The following SLC36A3 variants were observed in gnomAD, a reference collection of about 807,000 sequenced individuals.
The protein encoded by SLC36A3 is proton-coupled amino acid transporter 3.
In SLC36A3, 35 loss-of-function variants were observed where a neutral mutation model predicts 44.3. That is an observed-to-expected ratio of 0.79 (90% CI 0.60 to 1.05). The LOEUF (loss-of-function observed/expected upper bound fraction) is 1.05, where lower values mean the gene tolerates loss of function less well. Among genes scored for constraint, SLC36A3 ranks in the 50% least tolerant of loss-of-function variants. SLC36A3 has a pLI of 0.00. For synonymous variants in SLC36A3, 211 were observed against 227.6 expected, an observed-to-expected ratio of 0.93 and a Z score of 0.66; for missense variants, 540 against 578.7, an observed-to-expected ratio of 0.93 and a Z score of 0.69.
rs760097523 is a variant in SLC36A3, at chr5:151,296,160, G to A, written c.308+20C>T. 13 of 1,613,480 alleles carry A rather than the reference G, an allele frequency of 8.1e-6. No individual in the cohort carries two copies. The East Asian group carries it at 2.5e-4, about 30-fold the overall frequency. Reference sequence around the variant, plus strand: ...CAGAGGGGCCCCAGTGCTGGAATGAGAGAGAAGCAGGCCTCTGACCTCTGG... The same window carrying A: ...CAGAGGGGCCCCAGTGCTGGAATGAAAGAGAAGCAGGCCTCTGACCTCTGG... On this transcript the variant is annotated intron_variant, in intron 3 of 9. Coordinates refer to ENST00000335230, the MANE Select transcript of SLC36A3 (RefSeq NM_181774.4).
At chr5:151,293,856 C>T (rs1251271165) in intron 3 of SLC36A3, among the ~76,000 whole-genome samples, 2 of 151,846 alleles carry the variant, frequency 1.3e-5, no homozygotes, top group African/African-American at 2.4e-5. Flanking sequence ...AGATCCTGGC[C>T]TGGGCCAGAC....
Position 151,298,581 on chromosome 5 carries a change from G to A in SLC36A3, c.219+12C>T, listed in dbSNP as rs1195741330. On this transcript the variant is annotated intron_variant, in intron 2 of 9. Transcript: ENST00000335230. The stretch of plus-strand genomic sequence containing the variant: ...GAGCAAACCTAGTTCCCATCCCACA[G>A]ATGCCTCTTACCAACAAGCCGGCAT... The A allele has an allele frequency of 1.9e-6, 3 of 1,613,706 alleles. No homozygotes were observed. Among genetic ancestry groups the A allele is most frequent in the African/African-American group, 1.3e-5 (1 of 74,916 alleles).
intron 3 of SLC36A3, among the ~76,000 whole-genome samples, chr5:151,294,269 A>G (rs10059422): frequency 0.17 from 25,503 of 152,178 alleles, 2,876 homozygotes; most frequent in African/African-American, 0.32. Flanking sequence ...CTGGAACATG[A>G]CATTTTTGTT....
At chr5:151,294,244 G>A (rs1436829680) in intron 3 of SLC36A3, among the ~76,000 whole-genome samples, 2 of 152,164 alleles carry the variant, frequency 1.3e-5, no homozygotes, top group Non-Finnish European at 2.9e-5. Flanking sequence ...AGTGAGAGAC[G>A]GATATAGAGA....
intron 4 of SLC36A3, among the ~76,000 whole-genome samples, chr5:151,290,447 C>T (rs1561634941): frequency 6.6e-6 from 1 of 152,136 alleles, no homozygotes. Context: ...GAGAATTTAA[C>T]GAGAATAATT....
chr5:151,291,800 C>T (rs188232820), intron 4 of SLC36A3, among the ~76,000 whole-genome samples: 233 of 152,254 alleles, frequency 1.5e-3, no homozygotes, highest in African/African-American at 5.4e-3. Flanking sequence ...AGTGACCATT[C>T]CTCTAACAGC....
At chr5:151,282,817 C>T (rs537604138) in intron 8 of SLC36A3, among the ~76,000 whole-genome samples, 5 of 152,140 alleles carry the variant, frequency 3.3e-5, no homozygotes, top group East Asian at 1.9e-4. Flanking sequence ...AACAGTGTGT[C>T]GATGCATGCA....
At position 151,293,438 on chromosome 5, in the gene SLC36A3, G is replaced by C; in HGVS notation, c.330C>G (p.Asn110Lys). 6.2e-7 allele frequency: 1 copy of C among 1,613,322 alleles called. No homozygotes were observed. Among genetic ancestry groups the C allele is most frequent in the Non-Finnish European group, 8.5e-7 (1 of 1,179,578 alleles). ...LSQRLQKTFVNYGEATMYGLE... is the reference protein window; with the variant it reads ...LSQRLQKTFVKYGEATMYGLE... Reference sequence around the variant, plus strand: ...GGCCGTACATCGTGGCCTCTCCATAGTTCACAAAAGTCTTCTGCAGTCTAG... The same window carrying C: ...GGCCGTACATCGTGGCCTCTCCATACTTCACAAAAGTCTTCTGCAGTCTAG... The change falls in exon 4 of 10, where the codon AAC becomes AAG. Residue 110 changes from asparagine (N) to lysine (K), a missense_variant. Physicochemically the swap from Asn to Lys is moderately conservative, Grantham distance 94. Coordinates refer to ENST00000335230, the MANE Select transcript of SLC36A3 (RefSeq NM_181774.4).
chr5:151,289,588 C>G (rs562558130), intron 4 of SLC36A3, among the ~76,000 whole-genome samples: 1 of 152,072 alleles, frequency 6.6e-6, no homozygotes, highest in African/African-American at 2.4e-5. Flanking sequence ...GAGCTACACA[C>G]TGAATTATTT....
Position 151,284,665 on chromosome 5 carries a change from G to T in SLC36A3, c.755C>A (p.Thr252Asn). ...SNLPLMANWK[T>N]FLLFFGTAIF... ...GGCTGTACCAAAGAACAGCAAGAAG[G>T]TCTTCCAGTTTGCCATCAAGGGTAG... Residue 252 changes from threonine to asparagine, a missense_variant, in exon 7 of 10, where the codon ACC becomes AAC. Transcript: ENST00000335230. 7 of 1,613,528 alleles carry T rather than the reference G, an allele frequency of 4.3e-6. No homozygotes were observed. The highest frequency in any genetic ancestry group is 5.9e-6 in the Non-Finnish European group (7 of 1,179,614).
intron 1 of SLC36A3, among the ~76,000 whole-genome samples, chr5:151,301,340 G>C (rs989106599): frequency 6.6e-6 from 1 of 152,156 alleles, no homozygotes; most frequent in Non-Finnish European, 1.5e-5. Flanking sequence ...GGCTCCAGGA[G>C]TCTAAACCTC....
rs1012294139 is a variant in SLC36A3 at position 151,277,111 on chromosome 5, G to A, written c.*282C>T. 2 of 445,100 alleles carry A rather than the reference G, an allele frequency of 4.5e-6. No individual in the cohort carries two copies. Among genetic ancestry groups the A allele is most frequent in the East Asian group, 3.8e-5 (1 of 26,492 alleles). The allele number at this position is 445,100 out of a possible 1,614,324, so 27.6% of individuals were successfully genotyped here. On this transcript the variant is annotated 3_prime_UTR_variant, in exon 10 of 10. Coordinates refer to ENST00000335230, the MANE Select transcript of SLC36A3 (RefSeq NM_181774.4). ...GGTCTCTGTTTCAAGGGCTATTGGG[G>A]TAAGTGGCATCCCTTTTCCATAAAA...
Position 151,281,071 on chromosome 5 carries a change from C to G in SLC36A3, c.1087G>C (p.Glu363Gln), listed in dbSNP as rs1754297245. 6.2e-7 allele frequency: 1 copy of G among 1,614,054 alleles called. No individual in the cohort carries two copies. Among genetic ancestry groups the G allele is most frequent in the Non-Finnish European group, 8.5e-7 (1 of 1,180,038 alleles). ...IIPFAISQVS[E>Q]SWALFVDLSV... ...AGGTCTACAAACAGTGCCCAGCTCT[C>G]TGACACTTGGGAGATGGCAAACGGG... is the stretch of plus-strand genomic sequence containing the variant. The change falls in exon 9 of 10, where the codon GAG becomes CAG. Residue 363 changes from glutamate (E) to glutamine (Q), a missense_variant. Coordinates refer to ENST00000335230, the MANE Select transcript of SLC36A3 (RefSeq NM_181774.4).
At chr5:151,291,942 C>A (rs1008818748) in intron 4 of SLC36A3, among the ~76,000 whole-genome samples, 17 of 152,092 alleles carry the variant, frequency 1.1e-4, no homozygotes, top group African/African-American at 4.1e-4. Flanking sequence ...CTCACTGCAA[C>A]CTCTGCCTCC....
At position 151,293,408 on chromosome 5, in the gene SLC36A3, T is replaced by G; in HGVS notation, c.360A>C (p.Glu120Asp). The G allele has an allele frequency of 1.2e-6, 2 of 1,613,898 alleles. No individual in the cohort carries two copies. The highest frequency in any genetic ancestry group is 1.7e-6 in the Non-Finnish European group (2 of 1,179,878). The change falls in exon 4 of 10, where the codon GAA becomes GAC. Residue 120 changes from glutamate (E) to aspartate (D), a missense_variant. Glu to Asp is a conservative substitution (Grantham distance 45, BLOSUM62 2). Coordinates refer to ENST00000335230, the MANE Select transcript of SLC36A3 (RefSeq NM_181774.4). Reference protein sequence around the residue: ...NYGEATMYGLETCPNTWLRAH... With the variant: ...NYGEATMYGLDTCPNTWLRAH... ...CCCTCAGCCAGGTGTTCGGGCAGGT[T>G]TCAAGGCCGTACATCGTGGCCTCTC...
Position 151,296,132 on chromosome 5 carries a change from C to A in SLC36A3, c.308+48G>T, listed in dbSNP as rs1053097861. 2.5e-6 allele frequency: 4 copies of A among 1,584,302 alleles called. No homozygotes were observed. In the African/African-American group the frequency reaches 5.4e-5, roughly 21 times the overall value. On this transcript the variant is annotated intron_variant, in intron 3 of 9. Coordinates refer to ENST00000335230, the MANE Select transcript of SLC36A3 (RefSeq NM_181774.4). The stretch of plus-strand genomic sequence containing the variant: ...AGTGGTCAAAAGAAGAGCAACACAC[C>A]CTCAGAGGGGCCCCAGTGCTGGAAT...
intron 9 of SLC36A3, among the ~76,000 whole-genome samples, chr5:151,279,506 A>G (rs1477990227): frequency 6.6e-6 from 1 of 152,234 alleles, no homozygotes; most frequent in Admixed American, 6.5e-5. Context: ...ATAATGGATG[A>G]AGAATGGGAC....
chr5:151,282,453 C>G (rs1173566648), intron 8 of SLC36A3, among the ~76,000 whole-genome samples: 3 of 152,186 alleles, frequency 2.0e-5, no homozygotes, highest in Non-Finnish European at 4.4e-5. Context: ...TAGGCATGAG[C>G]CACCACGCCT....
intron 6 of SLC36A3, 89 bp from the exon 7 acceptor site, chr5:151,284,800 G>A: frequency 1.2e-6 from 1 of 822,236 alleles, no homozygotes; most frequent in Non-Finnish European, 1.9e-6. Flanking sequence ...GGTCACACCT[G>A]ATCTCAACAG....
Sources: allele counts gnomAD v4.1 joint callset (sites outside exome capture counted in the v4.1 genomes callset), GRCh38; gene constraint gnomAD v4.1.1; transcripts MANE v1.5; gene names NCBI Gene and HGNC (gene_info 2026-07-23, HGNC 2026-07-21).